Variants in USP7 observed in about 807,000 individuals in gnomAD.
USP7 encodes ubiquitin C-terminal hydrolase 7.
Under a neutral mutation model 162.9 loss-of-function variants are expected in USP7, and 9 were observed. The ratio of observed to expected loss-of-function variants is 0.06; its 90% confidence interval spans 0.03 to 0.10. The LOEUF (loss-of-function observed/expected upper bound fraction) is 0.10, where lower values mean the gene tolerates loss of function less well. USP7 is among the 10% of genes least tolerant of loss of function. USP7 has a pLI of 1.00. For missense variants in USP7, 715 were observed against 1,373.7 expected (o/e 0.52, Z 7.58); for synonymous variants, 562 against 475.9 (o/e 1.18, Z -2.35).
intron 1 of USP7, chr16:8,962,462 G>A (rs553294828): frequency 6.2e-5 from 28 of 448,968 alleles, no homozygotes; most frequent in Non-Finnish European, 1.2e-4. Flanking sequence ...CACATCGGCA[G>A]AAAACCGAGT....
intron 14 of USP7, 134 bp from the exon 15 acceptor site, chr16:8,904,699 T>C (rs1337349019): frequency 3.7e-6 from 5 of 1,340,506 alleles, no homozygotes; most frequent in South Asian, 3.0e-5. Context: ...TCCCAGCACT[T>C]TGGGAGGCTG....
chr16:8,924,946 G>A (rs969698531), intron 2 of USP7, among the ~76,000 whole-genome samples: 1 of 152,214 alleles, frequency 6.6e-6, no homozygotes, highest in Admixed American at 6.5e-5. Context: ...ATTTATTTGA[G>A]CCTCTTCAAG....
intron 1 of USP7, among the ~76,000 whole-genome samples, chr16:8,932,387 G>C (rs1268813071): frequency 6.6e-6 from 1 of 152,160 alleles, no homozygotes; most frequent in African/African-American, 2.4e-5. Flanking sequence ...GAAACATAGT[G>C]AGACCTCATC....
rs143313151 is a variant in USP7, at chr16:8,895,190, G to C, written c.2920-40C>G. 1.1e-5 allele frequency: 17 copies of C among 1,613,784 alleles called. No homozygotes were observed. In the East Asian group the frequency reaches 3.6e-4, roughly 34 times the overall value. On this transcript the variant is annotated intron_variant, in intron 27 of 30. Coordinates refer to ENST00000344836, the MANE Select transcript of USP7 (RefSeq NM_003470.3). Reference sequence around the variant, plus strand: ...AACAGACACAGTTCTGTAAGTGCAAGTGATGTGGTCAAAGTGTCCACATCT... The same window carrying C: ...AACAGACACAGTTCTGTAAGTGCAACTGATGTGGTCAAAGTGTCCACATCT...
At chr16:8,909,578 C>T (rs1223214296) in intron 11 of USP7, among the ~76,000 whole-genome samples, 1 of 152,192 alleles carries the variant, frequency 6.6e-6, no homozygotes, top group Admixed American at 6.5e-5. Context: ...GAATAGAGAA[C>T]AGTAATTCTC....
intron 1 of USP7, among the ~76,000 whole-genome samples, chr16:8,961,711 G>T (rs893092369): frequency 1.3e-5 from 2 of 152,246 alleles, no homozygotes; most frequent in Admixed American, 1.3e-4. Flanking sequence ...CATTTGAAAA[G>T]GAAACTGAAA....
intron 2 of USP7, among the ~76,000 whole-genome samples, chr16:8,925,986 C>G (rs980140329): frequency 2.0e-5 from 3 of 151,508 alleles, no homozygotes; most frequent in African/African-American, 7.3e-5. Context: ...AACTCCATCT[C>G]TACCAAAACT....
chr16:8,896,720 A>C (rs1596348980), intron 26 of USP7, among the ~76,000 whole-genome samples: 1 of 152,286 alleles, frequency 6.6e-6, no homozygotes, highest in East Asian at 1.9e-4. Context: ...CAGAAGATAC[A>C]AGGGGAAGGA....
At chr16:8,921,739 T>A (rs1189199969) in intron 3 of USP7, among the ~76,000 whole-genome samples, 1 of 152,180 alleles carries the variant, frequency 6.6e-6, no homozygotes, top group Non-Finnish European at 1.5e-5. Flanking sequence ...CTTGCTGTCC[T>A]GCCCCGGCAT....
At position 8,904,514 on chromosome 16, in the gene USP7, T is replaced by C. The variant is rs2061827574; in HGVS notation, c.1625A>G (p.Glu542Gly). 3.1e-6 allele frequency: 5 copies of C among 1,614,146 alleles called. No homozygotes were observed. In the East Asian group the frequency reaches 1.1e-4, roughly 36 times the overall value. Reference protein sequence around the residue: ...TDHDIPQQLVERLQEEKRIEA... With the variant: ...TDHDIPQQLVGRLQEEKRIEA... The stretch of plus-strand genomic sequence containing the variant: ...GATCCTTTTCTCTTCTTGTAATCGC[T>C]CCACCAACTGCTGAGGAATATCATG... The change falls in exon 15 of 31, where the codon GAG (glutamate) becomes GGG (glycine). Residue 542 changes from glutamate to glycine, a missense_variant. Around this residue, in one of 11 missense-constraint regions of USP7, gnomAD observed 197 missense variants for 306.5 expected, o/e 0.64. Transcript: ENST00000344836.
intron 2 of USP7, among the ~76,000 whole-genome samples, chr16:8,923,793 G>A (rs1356263631): frequency 6.6e-6 from 1 of 152,114 alleles, no homozygotes; most frequent in Non-Finnish European, 1.5e-5. Context: ...GGGACTTCTG[G>A]GGGTAAAGAC....
chr16:8,961,264 G>A (rs1382516507), intron 1 of USP7, among the ~76,000 whole-genome samples: 1 of 151,944 alleles, frequency 6.6e-6, no homozygotes, highest in East Asian at 1.9e-4. Flanking sequence ...AGGACGAGGC[G>A]GGCAGATCAC....
chr16:8,897,528 C>T (rs906547995), intron 25 of USP7, among the ~76,000 whole-genome samples: 2 of 151,330 alleles, frequency 1.3e-5, no homozygotes, highest in Admixed American at 6.6e-5. Context: ...TCCCTCTATA[C>T]TTGTAGAGCT....
chr16:8,925,185 G>C (rs1490197227), intron 2 of USP7, among the ~76,000 whole-genome samples: 1 of 152,166 alleles, frequency 6.6e-6, no homozygotes, highest in East Asian at 1.9e-4. Context: ...GTTTTACAAA[G>C]TGACAATAGA....
At chr16:8,925,925 C>A in intron 2 of USP7, among the ~76,000 whole-genome samples, 1 of 152,038 alleles carries the variant, frequency 6.6e-6, no homozygotes, top group East Asian at 1.9e-4. Context: ...GAGGCAGAGG[C>A]GGGTGGATCA....
rs530576128 is a variant in USP7 at position 8,922,374 on chromosome 16, G to C, written c.383+841C>G. Among the ~76,000 whole-genome samples the C allele has an allele frequency of 1.4e-4, 21 of 152,320 alleles. No individual in the cohort carries two copies. In the South Asian group the frequency reaches 3.7e-3, roughly 27 times the overall value. On this transcript the variant is annotated intron_variant, in intron 3 of 30. Coordinates refer to ENST00000344836, the MANE Select transcript of USP7 (RefSeq NM_003470.3). ...GTGGTGGCACACGCCTATAGTCCCAGCTACTTGAGACGCCGAGGCAGGAGA... is the reference window on the plus strand; with the variant it reads ...GTGGTGGCACACGCCTATAGTCCCACCTACTTGAGACGCCGAGGCAGGAGA...
At chr16:8,939,300 A>G (rs1000223481) in intron 1 of USP7, among the ~76,000 whole-genome samples, 2 of 152,010 alleles carry the variant, frequency 1.3e-5, no homozygotes, top group African/African-American at 4.8e-5. Flanking sequence ...CAACCCTCAT[A>G]TGTTCTGCAT....
chr16:8,931,372 G>A (rs1328247193), intron 1 of USP7, among the ~76,000 whole-genome samples: 5 of 152,106 alleles, frequency 3.3e-5, no homozygotes, highest in Non-Finnish European at 5.9e-5. Context: ...ATTTTTAGTA[G>A]AGATGTGGTT....
intron 2 of USP7, among the ~76,000 whole-genome samples, chr16:8,924,306 C>T (rs1255836278): frequency 3.3e-5 from 5 of 152,246 alleles, no homozygotes; most frequent in Non-Finnish European, 7.3e-5. Flanking sequence ...TTGACCAATA[C>T]TTTTATAAAG....
Sources: gnomAD v4.1 joint callset for allele counts (sites outside exome capture counted in the v4.1 genomes callset) on GRCh38, gnomAD v4.1.1 for gene constraint, gnomAD v4.1.1 regional missense constraint, MANE v1.5 for transcripts, NCBI Gene and HGNC (gene_info 2026-07-23, HGNC 2026-07-21) for gene names.